ATOSB: variants seen among roughly 807,000 people sequenced by gnomAD.
ATOSB encodes the protein atos homolog B.
chr9:35,109,061 G>A, the ATOSB span: 1 of 152,190 alleles, frequency 6.6e-6, no homozygotes, highest in African/African-American at 2.4e-5. Context: ...AAGAGACCGT[G>A]TCAGCTGAGA....
At chr9:35,106,943 T>C in the ATOSB span, 1 of 1,498,998 alleles carries the variant, frequency 6.7e-7, no homozygotes, top group East Asian at 2.5e-5. The surrounding 1 kb of genome is among the most constrained non-coding windows in gnomAD (Gnocchi z 4.6). Context: ...CATGTATGTT[T>C]TGGGGCAGAA....
At chr9:35,106,304 A>G in the ATOSB span, 2 of 1,614,164 alleles carry the variant, frequency 1.2e-6, no homozygotes, top group Non-Finnish European at 1.7e-6. This position sits in a 1 kb window ranked among gnomAD's most constrained non-coding sequence, Gnocchi z 4.6. Flanking sequence ...TGTGACAGTG[A>G]CAGGCAGCGT....
the ATOSB span, chr9:35,105,774 G>C: frequency 2.5e-6 from 4 of 1,614,108 alleles, no homozygotes; most frequent in Non-Finnish European, 3.4e-6. This position sits in a 1 kb window ranked among gnomAD's most constrained non-coding sequence, Gnocchi z 5.5. Context: ...GGCGCAGGAA[G>C]GTCATGTGGG....
At chr9:35,113,253 C>T in the ATOSB span, among the ~76,000 whole-genome samples, 1 of 152,198 alleles carries the variant, frequency 6.6e-6, no homozygotes, top group Non-Finnish European at 1.5e-5. Context: ...CTACAAAGGT[C>T]AGAGGACAAT....
the ATOSB span, among the ~76,000 whole-genome samples, chr9:35,113,759 C>T: frequency 6.6e-6 from 1 of 152,048 alleles, no homozygotes; most frequent in Non-Finnish European, 1.5e-5. Flanking sequence ...TCTCCCTCCC[C>T]CTCCACAATT....
the ATOSB span, chr9:35,106,134 C>A: frequency 6.6e-7 from 1 of 1,520,036 alleles, no homozygotes; most frequent in Non-Finnish European, 9.0e-7. This position sits in a 1 kb window ranked among gnomAD's most constrained non-coding sequence, Gnocchi z 4.6. Flanking sequence ...TTCTCCTCAC[C>A]TGGCCCTGAC....
the ATOSB span, chr9:35,105,811 G>T: frequency 1.9e-6 from 3 of 1,614,138 alleles, no homozygotes; most frequent in Middle Eastern, 3.3e-4. This position sits in a 1 kb window ranked among gnomAD's most constrained non-coding sequence, Gnocchi z 5.5. Flanking sequence ...GAAGTCAAAG[G>T]TCACAAGGAA....
chr9:35,108,373 G>C, the ATOSB span: 3 of 1,421,430 alleles, frequency 2.1e-6, no homozygotes, highest in Non-Finnish European at 2.7e-6. Flanking sequence ...GAGAAGAAAA[G>C]GTGGTCAGGG....
the ATOSB span, chr9:35,112,356 T>C: frequency 6.6e-6 from 1 of 152,022 alleles, no homozygotes; most frequent in Non-Finnish European, 1.5e-5. Flanking sequence ...AGACAGAGCA[T>C]ACAGGGAAGT....
the ATOSB span, among the ~76,000 whole-genome samples, chr9:35,113,695 C>T: frequency 6.6e-6 from 1 of 151,736 alleles, no homozygotes; most frequent in Admixed American, 6.6e-5. Flanking sequence ...ACCTTCCTGC[C>T]CTAAATTTAT....
chr9:35,106,436 T>G, the ATOSB span: 3 of 1,614,016 alleles, frequency 1.9e-6, no homozygotes, highest in Non-Finnish European at 2.5e-6. This position sits in a 1 kb window ranked among gnomAD's most constrained non-coding sequence, Gnocchi z 4.6. Context: ...GGAAAACACA[T>G]GAAGAGAGAG....
the ATOSB span, chr9:35,105,176 A>G: frequency 3.2e-6 from 5 of 1,571,620 alleles, no homozygotes; most frequent in Non-Finnish European, 2.6e-6. The surrounding 1 kb of genome is among the most constrained non-coding windows in gnomAD (Gnocchi z 5.5). Flanking sequence ...AAGATGGAGC[A>G]GGATGGGCAG....
At chr9:35,108,293 G>A in the ATOSB span, 3 of 1,521,174 alleles carry the variant, frequency 2.0e-6, no homozygotes, top group Non-Finnish European at 8.8e-7. Flanking sequence ...CCTTGGGTCA[G>A]GGGGGCCCCC....
chr9:35,113,667 AATAAATAAAGAG>A, the ATOSB span, among the ~76,000 whole-genome samples: 6 of 144,024 alleles, frequency 4.2e-5, no homozygotes, highest in South Asian at 1.2e-3. Flanking sequence ...TAAATAAATA[AATAAATAAAGAG>A]GCCTTACCTT....
chr9:35,105,335 T>C, the ATOSB span: 1 of 1,614,014 alleles, frequency 6.2e-7, no homozygotes, highest in Non-Finnish European at 8.5e-7. This position sits in a 1 kb window ranked among gnomAD's most constrained non-coding sequence, Gnocchi z 5.5. Flanking sequence ...GGCGGATATC[T>C]CCATGCAGGC....
the ATOSB span, chr9:35,105,932 C>T: frequency 6.2e-7 from 1 of 1,614,072 alleles, no homozygotes; most frequent in Admixed American, 1.7e-5. The surrounding 1 kb of genome is among the most constrained non-coding windows in gnomAD (Gnocchi z 5.5). Flanking sequence ...TCCCTCAGGG[C>T]AAACTCACCA....
At chr9:35,105,187 G>A in the ATOSB span, 12 of 1,586,334 alleles carry the variant, frequency 7.6e-6, no homozygotes, top group South Asian at 1.4e-4. The surrounding 1 kb of genome is among the most constrained non-coding windows in gnomAD (Gnocchi z 5.5). Context: ...GGATGGGCAG[G>A]TCATTAGCCC....
the ATOSB span, chr9:35,107,939 A>G: frequency 3.7e-6 from 6 of 1,604,176 alleles, no homozygotes; most frequent in Non-Finnish European, 5.1e-6. Flanking sequence ...GGCTGGCCAC[A>G]CCTAGTCCCA....
chr9:35,112,800 C>G, the ATOSB span, among the ~76,000 whole-genome samples: 1 of 152,068 alleles, frequency 6.6e-6, no homozygotes, highest in Non-Finnish European at 1.5e-5. Flanking sequence ...CCACAGAGAG[C>G]CCAAGGTCCT....
Sources: gnomAD v4.1 joint callset for allele counts (sites outside exome capture counted in the v4.1 genomes callset) on GRCh38, gnomAD v4.1.1 for gene constraint, Gnocchi (gnomAD v3.1) non-coding constraint, MANE v1.5 for transcripts, NCBI Gene and HGNC (gene_info 2026-07-23, HGNC 2026-07-21) for gene names.